The following NREP variants were observed in gnomAD, a reference collection of about 807,000 sequenced individuals.
The protein encoded by NREP is neuronal regeneration related protein.
NREP carries 5 observed loss-of-function variants against 8.6 expected under a neutral mutation model. The observed-to-expected ratio is 0.58, with a 90% CI of 0.30 to 1.22. The LOEUF (loss-of-function observed/expected upper bound fraction) is 1.22. NREP is among the 50% of genes most tolerant of loss of function. The pLI is 0.07. For synonymous variants in NREP, 27 were observed against 28.0 expected, an observed-to-expected ratio of 0.96 and a Z score of 0.11; for missense variants, 86 against 82.5, an observed-to-expected ratio of 1.04 and a Z score of -0.17.
intron 2 of NREP, among the ~76,000 whole-genome samples, chr5:111,882,299 G>T (rs969240385): frequency 6.6e-6 from 1 of 152,146 alleles, no homozygotes; most frequent in Admixed American, 6.5e-5. Context: ...AAAAAGAAAT[G>T]AACAAAGCCT....
chr5:111,969,411 G>C (rs1003094162), intron 2 of NREP: 2 of 152,202 alleles, frequency 1.3e-5, no homozygotes, highest in African/African-American at 4.8e-5. Flanking sequence ...AGCTTAACCT[G>C]AGTGTGACTC....
chr5:111,730,712 G>C lies in NREP; in HGVS notation c.*209C>G. 1 of 553,586 alleles carries C rather than the reference G, an allele frequency of 1.8e-6. No homozygotes were observed. Among genetic ancestry groups the C allele is most frequent in the Non-Finnish European group, 3.1e-6 (1 of 323,024 alleles). 34.3% of individuals were successfully genotyped at this position (553,586 alleles called of 1,614,324 possible). On this transcript the variant is annotated 3_prime_UTR_variant, in exon 4 of 4. Coordinates refer to ENST00000257435, the MANE Select transcript of NREP (RefSeq NM_004772.4). ...GGTTGTAAACGTGGATTCACAGTGT[G>C]AAATTCTGAGCGTTTTCACTTGAGT...
At chr5:111,967,090 C>G (rs980744421) in intron 2 of NREP, among the ~76,000 whole-genome samples, 1 of 152,156 alleles carries the variant, frequency 6.6e-6, no homozygotes, top group African/African-American at 2.4e-5. Context: ...GGGTAGAGAT[C>G]AAGACTGCTA....
At chr5:111,877,067 T>G (rs1256531255) in intron 2 of NREP, among the ~76,000 whole-genome samples, 1 of 152,332 alleles carries the variant, frequency 6.6e-6, no homozygotes, top group African/African-American at 2.4e-5. Flanking sequence ...TTTCAAAACC[T>G]GCTTTTACTC....
chr5:111,943,080 T>C (rs1354174871), intron 2 of NREP, among the ~76,000 whole-genome samples: 2 of 152,024 alleles, frequency 1.3e-5, no homozygotes, highest in African/African-American at 4.8e-5. Flanking sequence ...TGTAGTCCTC[T>C]TTCCTTTTTT....
At chr5:111,758,791 C>A (rs140750654), upstream of NREP, among the ~76,000 whole-genome samples, 26 of 152,312 alleles carry the variant, frequency 1.7e-4, no homozygotes, top group African/African-American at 6.3e-4. Flanking sequence ...AAAAGCAATA[C>A]TTTACACTCA....
intron 2 of NREP, among the ~76,000 whole-genome samples, chr5:111,925,682 T>C (rs537398378): frequency 1.2e-4 from 18 of 152,298 alleles, no homozygotes; most frequent in African/African-American, 4.1e-4. Context: ...CTCTTAGCCT[T>C]TCCATGAAAG....
intron 2 of NREP, among the ~76,000 whole-genome samples, chr5:111,935,945 T>A (rs1034364189): frequency 6.6e-5 from 10 of 152,204 alleles, no homozygotes; most frequent in East Asian, 3.9e-4. Flanking sequence ...AACAGGGCCA[T>A]GCTCTCTCTG....
intron 2 of NREP, among the ~76,000 whole-genome samples, chr5:111,805,667 C>A (rs776778889): frequency 2.6e-5 from 4 of 152,134 alleles, no homozygotes; most frequent in Non-Finnish European, 1.5e-5. Context: ...ACAAGGCCTG[C>A]AACTAGCTCT....
chr5:111,778,651 T>C (rs1751418834), intron 2 of NREP, among the ~76,000 whole-genome samples: 1 of 151,818 alleles, frequency 6.6e-6, no homozygotes, highest in South Asian at 2.1e-4. Flanking sequence ...AATGGGCACA[T>C]ATTTTTCAGT....
chr5:111,790,929 T>C (rs1209698374), intron 2 of NREP, among the ~76,000 whole-genome samples: 1 of 152,152 alleles, frequency 6.6e-6, no homozygotes, highest in Non-Finnish European at 1.5e-5. Flanking sequence ...GGGCCAACTT[T>C]TCATATATGT....
At chr5:111,755,443 C>T in intron 2 of NREP, 1 of 325,450 alleles carries the variant, frequency 3.1e-6, no homozygotes, top group South Asian at 3.4e-5. Context: ...CTACTGCTGT[C>T]ACCACCTCCA....
rs1449260901 is a variant in NREP, at chr5:111,729,920, G to A, written c.*1001C>T. 1 of 152,458 alleles carries A rather than the reference G, an allele frequency of 6.6e-6. No individual in the cohort carries two copies. The highest frequency in any genetic ancestry group is 1.5e-5 in the Non-Finnish European group (1 of 67,994). The allele number at this position is 152,458 out of a possible 1,614,324, so 9.4% of individuals were successfully genotyped here. A position where few individuals can be genotyped will look rare whatever the true frequency, so the allele number is the denominator to read the frequency against. ...ATTCCCACTCAGATGCCAGTGTTTTGGGTTTTTTTCCAGGGGGAGTTTATT... is the reference window on the plus strand; with the variant it reads ...ATTCCCACTCAGATGCCAGTGTTTTAGGTTTTTTTCCAGGGGGAGTTTATT... On this transcript the variant is annotated 3_prime_UTR_variant, in exon 4 of 4. Transcript: ENST00000257435.
chr5:111,768,654 A>G (rs1379822543), intron 2 of NREP, among the ~76,000 whole-genome samples: 1 of 152,172 alleles, frequency 6.6e-6, no homozygotes. Flanking sequence ...GCTTAGGATA[A>G]TGGCCTCCAG....
intron 2 of NREP, among the ~76,000 whole-genome samples, chr5:111,845,192 A>G (rs1214631379): frequency 6.6e-6 from 1 of 151,902 alleles, no homozygotes; most frequent in Non-Finnish European, 1.5e-5. Context: ...CTTGGAGGTT[A>G]TCTGTCTCCA....
chr5:111,794,641 T>C lies in NREP; in HGVS notation c.136-59134A>G, dbSNP rs1158547010. Among the ~76,000 whole-genome samples, 3 of 151,912 alleles carry C rather than the reference T, an allele frequency of 2.0e-5. 1 individual carries two copies. The South Asian group carries it at 6.2e-4, about 32-fold the overall frequency. On this transcript the variant is annotated intron_variant, in intron 2 of 3. Coordinates refer to the NREP transcript ENST00000395634. ...GGAGAAGGCAAAACTATGGAAACAA[T>C]AAAAAAAATCAGTGGTTGCCAGGGG...
chr5:111,759,813 G>A (rs1295554017), upstream of NREP, among the ~76,000 whole-genome samples: 1 of 152,042 alleles, frequency 6.6e-6, no homozygotes, highest in Non-Finnish European at 1.5e-5. Context: ...GCCATGTTCT[G>A]CCCTCTTCCA....
Position 111,916,804 on chromosome 5 carries a change from G to A in NREP, c.135+58470C>T, listed in dbSNP as rs147627920. 9.9e-4 allele frequency among the ~76,000 whole-genome samples: 151 copies of A among 152,204 alleles called. 1 individual carries two copies. The highest frequency in any genetic ancestry group is 3.3e-3 in the African/African-American group (139 of 41,534). ...CTGTTAGGGGTTGTGACAAATATCTGAATTACTGGCAGCAAATCCATATGG... is the reference window on the plus strand; with the variant it reads ...CTGTTAGGGGTTGTGACAAATATCTAAATTACTGGCAGCAAATCCATATGG... On this transcript the variant is annotated intron_variant, in intron 2 of 3. Transcript: ENST00000395634.
intron 2 of NREP, among the ~76,000 whole-genome samples, chr5:111,953,846 A>G (rs1466581210): frequency 6.6e-6 from 1 of 152,134 alleles, no homozygotes; most frequent in Non-Finnish European, 1.5e-5. Context: ...GCACAACAAT[A>G]TGGAAATATG....
Sources: allele counts gnomAD v4.1 joint callset (sites outside exome capture counted in the v4.1 genomes callset), GRCh38; gene constraint gnomAD v4.1.1; transcripts MANE v1.5; gene names NCBI Gene and HGNC (gene_info 2026-07-23, HGNC 2026-07-21).